PFKP: variants seen among roughly 807,000 people sequenced by gnomAD.
PFKP encodes phosphofructokinase, platelet.
A neutral mutation model predicts 94.3 loss-of-function variants in PFKP; 101 were observed. That is an observed-to-expected ratio of 1.07 (90% CI 0.91 to 1.26). The LOEUF (loss-of-function observed/expected upper bound fraction) is 1.26, where lower values mean the gene tolerates loss of function less well. PFKP is among the 50% of genes most tolerant of loss of function. The probability of loss-of-function intolerance (pLI) is 0.00; values close to 1 mark genes in which losing one functional copy is unlikely to be tolerated. For missense variants in PFKP, 1,145 were observed against 1,103.3 expected (o/e 1.04, Z -0.53); for synonymous variants, 573 against 432.6 (o/e 1.32, Z -4.03).
At position 3,132,451 on chromosome 10, in the gene PFKP, A is replaced by G; in HGVS notation, c.1910+10A>G. 1 of 1,596,328 alleles carries G rather than the reference A, an allele frequency of 6.3e-7. No homozygotes were observed. Among genetic ancestry groups the G allele is most frequent in the Non-Finnish European group, 8.6e-7 (1 of 1,163,880 alleles). ...GAGGCCTTGTGCTCAGGTGAGAGAG[A>G]GAGACCAGGGGCTGATCTTACCCTC... On this transcript the variant is annotated intron_variant, in intron 18 of 21. Transcript: ENST00000381125.
chr10:3,128,100 C>CGGAT (rs145664525), intron 16 of PFKP, among the ~76,000 whole-genome samples: 2 of 152,024 alleles, frequency 1.3e-5, no homozygotes, highest in Non-Finnish European at 2.9e-5. Context: ...TTGACCAGGA[C>CGGAT]GGACGGACGG....
At chr10:3,122,266 G>A (rs1438254880) in intron 16 of PFKP, among the ~76,000 whole-genome samples, 2 of 152,206 alleles carry the variant, frequency 1.3e-5, no homozygotes, top group Non-Finnish European at 2.9e-5. Context: ...GAACAAGGCT[G>A]TCTTGGGAGT....
At chr10:3,084,775 C>CT (rs1833372310) in intron 2 of PFKP, among the ~76,000 whole-genome samples, 1 of 42,892 alleles carries the variant, frequency 2.3e-5, no homozygotes, top group Non-Finnish European at 5.6e-5. Context: ...GAGTCCTCCA[C>CT]CCCCTCCCCA....
rs79600802 is a variant in PFKP at position 3,103,296 on chromosome 10, C to G, written c.455-483C>G. 2.7e-3 allele frequency among the ~76,000 whole-genome samples: 407 copies of G among 152,310 alleles called. 2 individuals are homozygous for G. Among genetic ancestry groups the G allele is most frequent in the African/African-American group, 9.7e-3 (403 of 41,568 alleles). ...GTCCATTGTGTGTAACTGCTGCCAGCTTTGTCTGGCTTCTCTTTCCTTAAC... is the reference window on the plus strand; with the variant it reads ...GTCCATTGTGTGTAACTGCTGCCAGGTTTGTCTGGCTTCTCTTTCCTTAAC... On this transcript the variant is annotated intron_variant, in intron 4 of 21. Coordinates refer to ENST00000381125, the MANE Select transcript of PFKP (RefSeq NM_002627.5).
In PFKP at chr10:3,129,966, G is replaced by C. The variant is rs148701004; in HGVS notation, c.1831G>C (p.Asp611His). The C allele has an allele frequency of 1.9e-6, 3 of 1,584,976 alleles. No individual in the cohort carries two copies. The highest frequency in any genetic ancestry group is 1.2e-5 in the South Asian group (1 of 85,706). ...CGCATACATTTTCGAAGAGCCCTTCGACATCAGGGATCTGCAGGTATGTGA... is the reference window on the plus strand; with the variant it reads ...CGCATACATTTTCGAAGAGCCCTTCCACATCAGGGATCTGCAGGTATGTGA... ...DAAYIFEEPF[D>H]IRDLQSNVEH... Residue 611 changes from aspartate (D) to histidine (H), a missense_variant, in exon 17 of 22, where the codon GAC (aspartate) becomes CAC (histidine). By Grantham distance (81) the Asp-to-His change is moderately conservative (BLOSUM62 -1). Around this residue, in one of 3 missense-constraint regions of PFKP, gnomAD observed 1,119 missense variants for 1,062.8 expected, o/e 1.05. Transcript: ENST00000381125.
At chr10:3,133,821 C>T (rs1182403105) in intron 19 of PFKP, among the ~76,000 whole-genome samples, 5 of 152,220 alleles carry the variant, frequency 3.3e-5, no homozygotes, top group Non-Finnish European at 7.3e-5. Context: ...TTTAAGGGAA[C>T]TGTCAGCTTT....
Position 3,082,465 on chromosome 10 carries a change from A to T in PFKP, c.186+4A>T. The T allele has an allele frequency of 1.2e-6, 2 of 1,600,996 alleles. No individual in the cohort carries two copies. The highest frequency in any genetic ancestry group is 2.3e-5 in the East Asian group (1 of 44,282). On this transcript the variant is annotated splice_donor_region_variant and intron_variant, in intron 2 of 21. Coordinates refer to ENST00000381125, the MANE Select transcript of PFKP (RefSeq NM_002627.5). ...CAAGGTGTACTTCATCTACGAGGTC[A>T]GTGTCTGCCCCTCACCCCCTGTCGC...
intron 3 of PFKP, chr10:3,101,079 C>A: frequency 1.7e-6 from 2 of 1,168,482 alleles, no homozygotes; most frequent in Middle Eastern, 2.4e-4. Context: ...TGTGACACCG[C>A]AGGCTGGTTC....
intron 19 of PFKP, 72 bp downstream of exon 19, chr10:3,133,386 T>C (rs546616139): frequency 2.0e-6 from 2 of 983,036 alleles, no homozygotes; most frequent in Admixed American, 3.5e-5. Flanking sequence ...TGTCTTATTT[T>C]AGCCATTGTG....
rs1330537769 is a variant in PFKP, at chr10:3,129,742, C to G, written c.1684-77C>G. 26 of 1,509,528 alleles carry G rather than the reference C, an allele frequency of 1.7e-5. No homozygotes were observed. The Admixed American group carries it at 4.5e-4, about 26-fold the overall frequency. The allele number at this position is 1,509,528 out of a possible 1,614,324, so 93.5% of individuals were successfully genotyped here. On this transcript the variant is annotated intron_variant, in intron 16 of 21. Coordinates refer to ENST00000381125, the MANE Select transcript of PFKP (RefSeq NM_002627.5). ...CGCGGTGGGGGGGCCTTGCTGCACT[C>G]ACTCTTGGGGGAGCTCTGGGATGGT...
In PFKP at chr10:3,113,363, G is replaced by A. The variant is rs1836452215; in HGVS notation, c.1225-9G>A. ...GTGACCCAGCACTCACCTGCCTTCT[G>A]TTTTGCAGACCAATTGCAACGTAGC... On this transcript the variant is annotated splice_polypyrimidine_tract_variant and intron_variant, in intron 12 of 21. Transcript: ENST00000381125. 6.3e-7 allele frequency: 1 copy of A among 1,579,626 alleles called. No individual in the cohort carries two copies. Among genetic ancestry groups the A allele is most frequent in the South Asian group, 1.2e-5 (1 of 86,150 alleles).
At chr10:3,101,316 G>T (rs1352588250) in intron 3 of PFKP, 49 bp from the exon 4 acceptor site, 2 of 1,459,518 alleles carry the variant, frequency 1.4e-6, no homozygotes, top group Admixed American at 2.1e-5. Context: ...CCATCCACCT[G>T]GCGCTCTCTC....
chr10:3,135,863 C>G (rs181906102), intron 21 of PFKP, 25 bp downstream of exon 21: 1 of 1,363,236 alleles, frequency 7.3e-7, no homozygotes, highest in East Asian at 2.3e-5. Flanking sequence ...TTCCCTGAGG[C>G]AATAAGACCC....
Position 3,082,406 on chromosome 10 carries a change from G to C in PFKP, c.131G>C (p.Arg44Pro). 6.2e-7 allele frequency: 1 copy of C among 1,605,874 alleles called. No individual in the cohort carries two copies. The highest frequency in any genetic ancestry group is 8.5e-7 in the Non-Finnish European group (1 of 1,174,752). Reference sequence around the variant, plus strand: ...ACTGCAGGTATGAACGCTGCCGTCCGTGCCGTGGTGCGCATGGGTATCTAC... The same window carrying C: ...ACTGCAGGTATGAACGCTGCCGTCCCTGCCGTGGTGCGCATGGGTATCTAC... ...GDAQGMNAAV[R>P]AVVRMGIYVG... The change falls in exon 2 of 22, where the codon CGT becomes CCT. Residue 44 changes from arginine to proline, a missense_variant. This residue lies in a region of PFKP where 1,119 missense variants were observed against 1,062.8 expected (regional missense o/e 1.05). Transcript: ENST00000381125.
intron 16 of PFKP, among the ~76,000 whole-genome samples, chr10:3,128,163 G>A (rs564141988): frequency 3.3e-5 from 5 of 152,312 alleles, no homozygotes; most frequent in South Asian, 2.1e-4. Flanking sequence ...TTTCTTGAGC[G>A]CCTGCTGTGG....
At chr10:3,074,792 T>C (rs1158216446) in intron 1 of PFKP, among the ~76,000 whole-genome samples, 1 of 152,190 alleles carries the variant, frequency 6.6e-6, no homozygotes, top group Non-Finnish European at 1.5e-5. Flanking sequence ...AGGAGATTAA[T>C]TAATTCCATT....
chr10:3,077,497 A>G (rs1832711344), intron 1 of PFKP, among the ~76,000 whole-genome samples: 1 of 151,196 alleles, frequency 6.6e-6, no homozygotes, highest in South Asian at 2.1e-4. Flanking sequence ...CGATCTCCTG[A>G]CCTCGTGATC....
chr10:3,133,165 G>A, intron 18 of PFKP, 38 bp from the exon 19 acceptor site: 1 of 1,506,032 alleles, frequency 6.6e-7, no homozygotes, highest in Non-Finnish European at 9.2e-7. Context: ...CGTGCCCACT[G>A]CACGCTAAAC....
At chr10:3,077,620 CCA>C (rs1359733859) in intron 1 of PFKP, among the ~76,000 whole-genome samples, 1 of 151,974 alleles carries the variant, frequency 6.6e-6, no homozygotes, top group Non-Finnish European at 1.5e-5. Flanking sequence ...GAGCAGAATC[CCA>C]GGAAACTGAG....
Sources: gnomAD v4.1 joint callset for allele counts (sites outside exome capture counted in the v4.1 genomes callset) on GRCh38, gnomAD v4.1.1 for gene constraint, gnomAD v4.1.1 regional missense constraint, MANE v1.5 for transcripts, NCBI Gene and HGNC (gene_info 2026-07-23, HGNC 2026-07-21) for gene names.